Variants in CIC observed in about 807,000 individuals in gnomAD.
The protein encoded by CIC is capicua transcriptional repressor, also known as protein capicua homolog.
In CIC, 18 loss-of-function variants were observed where a neutral mutation model predicts 115.7. The observed-to-expected ratio is 0.16, with a 90% CI of 0.11 to 0.23. The LOEUF is 0.23. Ranked by LOEUF, CIC falls within the 10% of genes least tolerant of loss-of-function variation. CIC has a pLI of 1.00. For missense variants in CIC, 2,000 were observed against 2,159.3 expected, an observed-to-expected ratio of 0.93 and a Z score of 1.46; for synonymous variants, 1,076 against 923.0, an observed-to-expected ratio of 1.17 and a Z score of -3.01.
chr19:42,293,762 G>A lies in CIC; in HGVS notation c.6693G>A (p.Lys2231=), dbSNP rs201698284. 6.2e-7 allele frequency: 1 copy of A among 1,612,858 alleles called. No individual in the cohort carries two copies. The highest frequency in any genetic ancestry group is 8.5e-7 in the Non-Finnish European group (1 of 1,179,784). ...CAGCCGGGGACACCCCGGAGCGCAA[G>A]GAGGCGGCTGGTACTGGCAAGAAGG... The part of the protein sequence containing the change: ...GRAAGDTPER[K]EAAGTGKKVK... Residue 2231 remains lysine, a synonymous_variant, in exon 17 of 21, where the codon AAG becomes AAA. Coordinates refer to ENST00000681038, the MANE Select transcript of CIC (RefSeq NM_001386298.1).
rs767719115 is a variant in CIC at position 42,293,678 on chromosome 19, C to T, written c.6609C>T (p.Ser2203=). 1 of 1,612,782 alleles carries T rather than the reference C, an allele frequency of 6.2e-7. No individual in the cohort carries two copies. The highest frequency in any genetic ancestry group is 8.5e-7 in the Non-Finnish European group (1 of 1,179,740). The change falls in exon 17 of 21, where the codon AGC becomes AGT. Residue 2203 remains serine, a synonymous_variant. Coordinates refer to ENST00000681038, the MANE Select transcript of CIC (RefSeq NM_001386298.1). ...GTGGGGAGCCTCCCACTCCTCCCAG[C>T]CCGGCCCCAGCTCCAGCTGTAGCCC... ...ENRGEPPTPP[S]PAPAPAVAPG... is the part of the protein sequence containing the mutation.
At position 42,290,650 on chromosome 19, in the gene CIC, C is replaced by T. The variant is rs777199009; in HGVS notation, c.4609C>T (p.Leu1537=). 165 of 1,613,468 alleles carry T rather than the reference C, an allele frequency of 1.0e-4. No homozygotes were observed. Among genetic ancestry groups the T allele is most frequent in the Non-Finnish European group, 1.3e-4 (149 of 1,179,974 alleles). The part of the protein sequence containing the change: ...AAPPSGGGNI[L]QTLVLPPNKE... ...CCCTCCCAGCGGAGGAGGAAACATC[C>T]TGCAGACACTGGTGCTGCCCCCAAA... The change falls in exon 11 of 21, where the codon CTG becomes TTG. Residue 1537 remains leucine, a synonymous_variant. Transcript: ENST00000681038.
chr19:42,291,710 G>T lies in CIC; in HGVS notation c.5578G>T (p.Val1860Leu). ...PLPLVSPPFSVPVQNGAQPPS... is the reference protein window; with the variant it reads ...PLPLVSPPFSLPVQNGAQPPS... ...GCCACTGGTGAGCCCGCCCTTCTCA[G>T]TACCTGTGCAGAATGGTGCCCAGCC... Residue 1860 changes from valine to leucine, a missense_variant, in exon 12 of 21, where the codon GTA becomes TTA. By Grantham distance (32) the Val-to-Leu change is conservative. Coordinates refer to ENST00000681038, the MANE Select transcript of CIC (RefSeq NM_001386298.1). 1.2e-6 allele frequency: 2 copies of T among 1,612,982 alleles called. No individual in the cohort carries two copies. The highest frequency in any genetic ancestry group is 8.5e-7 in the Non-Finnish European group (1 of 1,180,006).
chr19:42,271,919 G>A lies in CIC; in HGVS notation c.136G>A (p.Glu46Lys), dbSNP rs117565967. ...EGDKPEEEDDEAQQPQPQSGP... is the reference protein window; with the variant it reads ...EGDKPEEEDDKAQQPQPQSGP... The stretch of plus-strand genomic sequence containing the variant: ...TGACAAGCCAGAGGAGGAGGATGAC[G>A]AGGCACAGCAGCCGCAACCACAGTC... Residue 46 changes from glutamate to lysine, a missense_variant, in exon 2 of 21, where the codon GAG (glutamate) becomes AAG (lysine). By Grantham distance (56) the Glu-to-Lys change is moderately conservative. Coordinates refer to ENST00000681038, the MANE Select transcript of CIC (RefSeq NM_001386298.1). The A allele has an allele frequency of 7.1e-4, 285 of 399,030 alleles. No homozygotes were observed. The highest frequency in any genetic ancestry group is 9.1e-4 in the Non-Finnish European group (205 of 226,380). The allele number at this position is 399,030 out of a possible 1,614,324, so 24.7% of individuals were successfully genotyped here. A position where few individuals can be genotyped will look rare whatever the true frequency, so the allele number is the denominator to read the frequency against.
Position 42,291,545 on chromosome 19 carries a change from TCTTAA to T in CIC, c.5426-9_5426-5del, listed in dbSNP as rs761453158. On this transcript the variant is annotated splice_region_variant and splice_polypyrimidine_tract_variant and intron_variant, in intron 11 of 20. Transcript: ENST00000681038. Reference sequence around the variant, plus strand: ...CCTTGTAACCTTTTCCTTTCTTGCCTCTTAACTTCCAGCCCAGTCAGTTTCTCCCG... The same window carrying T: ...CCTTGTAACCTTTTCCTTTCTTGCCTCTTCCAGCCCAGTCAGTTTCTCCCG... 17 of 1,612,962 alleles carry T rather than the reference TCTTAA, an allele frequency of 1.1e-5. No individual in the cohort carries two copies. Among genetic ancestry groups the T allele is most frequent in the South Asian group, 6.6e-5 (6 of 91,090 alleles).
Position 42,270,226 on chromosome 19 carries a change from A to G in CIC, c.-11+845A>G, listed in dbSNP as rs778167771. 9.9e-5 allele frequency among the ~76,000 whole-genome samples: 15 copies of G among 152,178 alleles called. No homozygotes were observed. Among genetic ancestry groups the G allele is most frequent in the Non-Finnish European group, 1.9e-4 (13 of 68,028 alleles). The stretch of plus-strand genomic sequence containing the variant: ...CCCAACTTCTGGGCATTTGGGTGCC[A>G]GCCCCGGGACGCCCTCCAGGCTCTG... On this transcript the variant is annotated intron_variant, in intron 1 of 20. Coordinates refer to ENST00000681038, the MANE Select transcript of CIC (RefSeq NM_001386298.1). This position sits in a 1 kb window ranked among gnomAD's most constrained non-coding sequence, Gnocchi z 4.1.
chr19:42,284,288 G>A (rs2037433095), intron 2 of CIC: 1 of 147,128 alleles, frequency 6.8e-6, no homozygotes, highest in Non-Finnish European at 1.5e-5. Context: ...CAGCGAGCGG[G>A]GAAGGGAGGG....
At position 42,290,460 on chromosome 19, in the gene CIC, G is replaced by T. The variant is rs1599911754; in HGVS notation, c.4419G>T (p.Gln1473His). ...CCTTCAAGGCCCAGGAGTCTGGTCA[G>T]GGCAGCACAGCGGGCCCCCTACGGC... is the stretch of plus-strand genomic sequence containing the variant. ...SGTFKAQESG[Q>H]GSTAGPLRPP... The change falls in exon 11 of 21, where the codon CAG becomes CAT. Residue 1473 changes from glutamine to histidine, a missense_variant. Gln to His is a conservative substitution (Grantham distance 24). Around this residue, in one of 8 missense-constraint regions of CIC, gnomAD observed 1,466 missense variants for 1,390.4 expected, o/e 1.05. Coordinates refer to ENST00000681038, the MANE Select transcript of CIC (RefSeq NM_001386298.1). 6.2e-7 allele frequency: 1 copy of T among 1,614,048 alleles called. No homozygotes were observed. Among genetic ancestry groups the T allele is most frequent in the Non-Finnish European group, 8.5e-7 (1 of 1,179,976 alleles).
chr19:42,289,594 A>G (rs2037923029), intron 9 of CIC, among the ~76,000 whole-genome samples, 188 bp downstream of exon 9: 2 of 152,216 alleles, frequency 1.3e-5, no homozygotes, highest in African/African-American at 4.8e-5. Context: ...CCAGCCCTGC[A>G]GGAAATCTGG....
rs1349144815 is a variant in CIC, at chr19:42,290,501, C to T, written c.4460C>T (p.Ala1487Val). 3.1e-6 allele frequency: 5 copies of T among 1,613,534 alleles called. No homozygotes were observed. The highest frequency in any genetic ancestry group is 8.5e-7 in the Non-Finnish European group (1 of 1,179,860). The part of the protein sequence containing the change: ...AGPLRPPPPG[A>V]GGPATPSKAT... The stretch of plus-strand genomic sequence containing the variant: ...CCCCTACGGCCCCCACCCCCTGGGG[C>T]TGGGGGTCCAGCGACACCTTCCAAG... The change falls in exon 11 of 21, where the codon GCT becomes GTT. Residue 1487 changes from alanine to valine, a missense_variant. Coordinates refer to ENST00000681038, the MANE Select transcript of CIC (RefSeq NM_001386298.1).
rs981176384 is a variant in CIC at position 42,272,542 on chromosome 19, A to G, written c.759A>G (p.Val253=). The change falls in exon 2 of 21, where the codon GTA becomes GTG. Residue 253 remains valine (V), a synonymous_variant. Coordinates refer to ENST00000681038, the MANE Select transcript of CIC (RefSeq NM_001386298.1). ...YEGVPGAGVD[V]VLDATPPPGA... is the part of the protein sequence containing the mutation. ...GGGTGCCAGGCGCTGGTGTGGATGT[A>G]GTTTTGGATGCCACACCCCCACCAG... 7.5e-6 allele frequency: 3 copies of G among 398,324 alleles called. No individual in the cohort carries two copies. Among genetic ancestry groups the G allele is most frequent in the African/African-American group, 4.1e-5 (2 of 48,558 alleles). 24.7% of individuals were successfully genotyped at this position (398,324 alleles called of 1,614,324 possible).
At chr19:42,292,036 CCA>C in intron 12 of CIC, 48 bp from the exon 13 acceptor site, 2 of 1,611,846 alleles carry the variant, frequency 1.2e-6, no homozygotes, top group Non-Finnish European at 1.7e-6. Context: ...TTCCCCTGCC[CCA>C]GTCTGGGGCC....
chr19:42,276,020 A>G (rs1380736555), intron 2 of CIC, among the ~76,000 whole-genome samples: 1 of 152,206 alleles, frequency 6.6e-6, no homozygotes, highest in Non-Finnish European at 1.5e-5. Flanking sequence ...GTGGGAGCCC[A>G]GAGAAGATGC....
rs747055103 is a variant in CIC, at chr19:42,293,235, C to A, written c.6476C>A (p.Pro2159His). 3.6e-5 allele frequency: 58 copies of A among 1,595,350 alleles called. No homozygotes were observed. The Middle Eastern group carries it at 1.4e-3, about 39-fold the overall frequency. ...TPTARSSPPL[P>H]PPAEERTSAK... ...ACGGCCCGGAGCAGCCCCCCACTGC[C>A]CCCACCTGCTGAGGAGCGGACCAGC... The change falls in exon 16 of 21, where the codon CCC becomes CAC. Residue 2159 changes from proline (P) to histidine (H), a missense_variant. This residue lies in a region of CIC where 1,466 missense variants were observed against 1,390.4 expected (regional missense o/e 1.05). Coordinates refer to ENST00000681038, the MANE Select transcript of CIC (RefSeq NM_001386298.1).
At position 42,295,362 on chromosome 19, in the gene CIC, G is replaced by A. The variant is rs541319923; in HGVS notation, c.*171G>A. ...CCCCCTTCCCTCGAAGCTCCCTCCC[G>A]GTGCTGGGGGGCAGCTGAGGGGCTG... On this transcript the variant is annotated 3_prime_UTR_variant, in exon 21 of 21. Transcript: ENST00000681038. 1.3e-5 allele frequency: 8 copies of A among 623,600 alleles called. No homozygotes were observed. The highest frequency in any genetic ancestry group is 5.7e-5 in the East Asian group (2 of 35,376). 38.6% of individuals were successfully genotyped at this position (623,600 alleles called of 1,614,324 possible).
Position 42,293,257 on chromosome 19 carries a change from C to T in CIC, c.6498C>T (p.Thr2166=), listed in dbSNP as rs1035991766. The change falls in exon 16 of 21, where the codon ACC becomes ACT. Residue 2166 remains threonine (T), a synonymous_variant. Transcript: ENST00000681038. ...TGCCCCCACCTGCTGAGGAGCGGAC[C>T]AGCGCCAAGGGCCCTGAGACCATGG... ...PPLPPPAEER[T]SAKGPETMAS... 7 of 1,585,040 alleles carry T rather than the reference C, an allele frequency of 4.4e-6. No homozygotes were observed. In the Admixed American group the frequency reaches 7.1e-5, roughly 16 times the overall value.
chr19:42,293,934 G>T lies in CIC; in HGVS notation c.6768-1G>T. On this transcript the variant is annotated splice_acceptor_variant, in intron 17 of 20. Transcript: ENST00000681038. LOFTEE classifies it high-confidence loss of function. ...GGGAGGTGACCCTGCCGGCCCTCCA[G>T]CAGGGTCCTGTCAGAAGTGGACTTC... 1 of 1,613,054 alleles carries T rather than the reference G, an allele frequency of 6.2e-7. No individual in the cohort carries two copies. The highest frequency in any genetic ancestry group is 8.5e-7 in the Non-Finnish European group (1 of 1,179,972).
At position 42,289,853 on chromosome 19, in the gene CIC, G is replaced by A. The variant is rs771449624; in HGVS notation, c.4093G>A (p.Asp1365Asn). The change falls in exon 10 of 21, where the codon GAT becomes AAT. Residue 1365 changes from aspartate to asparagine, a missense_variant. By Grantham distance (23) the Asp-to-Asn change is conservative. Transcript: ENST00000681038. ...TGTTCCCTCCACTCCCTCAGCTGACGATGGCTTCGGCACCACTGACATTGA... is the reference window on the plus strand; with the variant it reads ...TGTTCCCTCCACTCCCTCAGCTGACAATGGCTTCGGCACCACTGACATTGA... ...EEGDDDVIAD[D>N]GFGTTDIDLK... is the part of the protein sequence containing the mutation. 1.5e-5 allele frequency: 24 copies of A among 1,600,296 alleles called. No homozygotes were observed. The highest frequency in any genetic ancestry group is 7.9e-5 in the South Asian group (7 of 88,386).
Position 42,286,751 on chromosome 19 carries a change from C to T in CIC, c.2795-20C>T, listed in dbSNP as rs779744647. On this transcript the variant is annotated intron_variant, in intron 2 of 20. Transcript: ENST00000681038. ...GGCCAGGCTCTCCTGCTGCACAGCT[C>T]ACCTGGCTCCTTTCCACAGTGTGGA... is the stretch of plus-strand genomic sequence containing the variant. The T allele has an allele frequency of 7.6e-5, 123 of 1,613,718 alleles. No individual in the cohort carries two copies. Among genetic ancestry groups the T allele is most frequent in the Non-Finnish European group, 9.9e-5 (117 of 1,179,960 alleles).
Sources: allele counts gnomAD v4.1 joint callset (sites outside exome capture counted in the v4.1 genomes callset), GRCh38; gene constraint gnomAD v4.1.1; regional missense constraint gnomAD v4.1.1; non-coding constraint Gnocchi (gnomAD v3.1); transcripts MANE v1.5; gene names NCBI Gene and HGNC (gene_info 2026-07-23, HGNC 2026-07-21).